Variants in DPYD observed in about 807,000 individuals in gnomAD.
DPYD encodes the protein dihydropyrimidine dehydrogenase [NADP(+)].
A neutral mutation model predicts 116.2 loss-of-function variants in DPYD; 109 were observed. That is an observed-to-expected ratio of 0.94 (90% CI 0.80 to 1.10). The LOEUF is 1.10. Ranked by LOEUF, DPYD falls within the 50% of genes least tolerant of loss-of-function variation. The probability of loss-of-function intolerance (pLI) is 0.00; values close to 1 mark genes in which losing one functional copy is unlikely to be tolerated. For synonymous variants in DPYD, 440 were observed against 432.0 expected, an observed-to-expected ratio of 1.02 and a Z score of -0.23; for missense variants, 1,302 against 1,254.5, an observed-to-expected ratio of 1.04 and a Z score of -0.57.
intron 8 of DPYD, among the ~76,000 whole-genome samples, chr1:97,604,836 A>C (rs962187096): frequency 6.6e-6 from 1 of 152,070 alleles, no homozygotes; most frequent in Non-Finnish European, 1.5e-5. Flanking sequence ...AAAATAGGTA[A>C]ATCATCTAGA....
At chr1:97,242,872 T>A (rs1237635309) in intron 18 of DPYD, among the ~76,000 whole-genome samples, 1 of 151,744 alleles carries the variant, frequency 6.6e-6, no homozygotes, top group African/African-American at 2.4e-5. Context: ...CTCACACACA[T>A]ATCATATATA....
intron 4 of DPYD, among the ~76,000 whole-genome samples, chr1:97,735,760 A>G (rs1663908488): frequency 6.6e-6 from 1 of 151,104 alleles, no homozygotes; most frequent in Admixed American, 6.6e-5. Flanking sequence ...GATTAATAAA[A>G]AGCTGGCAGA....
chr1:97,193,751 T>C (rs1658553948), intron 19 of DPYD, among the ~76,000 whole-genome samples: 1 of 151,596 alleles, frequency 6.6e-6, no homozygotes, highest in Admixed American at 6.6e-5. Flanking sequence ...GTTCTCCTTG[T>C]TGTCAACTAT....
intron 16 of DPYD, among the ~76,000 whole-genome samples, chr1:97,372,844 C>T (rs914092779): frequency 4.6e-5 from 7 of 152,092 alleles, no homozygotes; most frequent in Non-Finnish European, 1.0e-4. Context: ...GAAATTACTA[C>T]ATTTCACATT....
chr1:97,572,938 T>C (rs1331633174), intron 11 of DPYD, among the ~76,000 whole-genome samples: 1 of 152,050 alleles, frequency 6.6e-6, no homozygotes, highest in East Asian at 1.9e-4. Context: ...ATAGGAATCA[T>C]CAGGTTTAGA....
intron 16 of DPYD, among the ~76,000 whole-genome samples, chr1:97,345,425 T>A (rs1317593224): frequency 6.6e-6 from 1 of 151,948 alleles, no homozygotes; most frequent in Non-Finnish European, 1.5e-5. Context: ...ACAACTATGC[T>A]TTTTAAACTT....
chr1:97,465,567 T>G (rs1436155164), intron 13 of DPYD, among the ~76,000 whole-genome samples: 1 of 152,146 alleles, frequency 6.6e-6, no homozygotes, highest in Non-Finnish European at 1.5e-5. Context: ...TGAGATCTGA[T>G]GGTTTTATAA....
chr1:97,211,038 CTAAGA>C (rs1659999613), intron 19 of DPYD, among the ~76,000 whole-genome samples: 1 of 152,138 alleles, frequency 6.6e-6, no homozygotes, highest in African/African-American at 2.4e-5. Context: ...TACACGACAG[CTAAGA>C]TGATTATTTA....
chr1:97,484,282 T>A (rs1180513399), intron 13 of DPYD, among the ~76,000 whole-genome samples: 1 of 152,116 alleles, frequency 6.6e-6, no homozygotes, highest in African/African-American at 2.4e-5. Context: ...CCAGTCTGGG[T>A]GACAGAGCAA....
intron 14 of DPYD, among the ~76,000 whole-genome samples, chr1:97,385,280 CAAAAAAAAAAAAAAAAAAAAAAAAA>C (rs567156406): frequency 4.1e-5 from 2 of 48,936 alleles, no homozygotes; most frequent in South Asian, 1.1e-3. Flanking sequence ...GCATTCCTTG[CAAAAAAAAAAAAAAAAAAAAAAAAA>C]AAAAAAAAAA....
intron 3 of DPYD, among the ~76,000 whole-genome samples, chr1:97,808,633 C>T (rs1434759035): frequency 6.6e-6 from 1 of 152,082 alleles, no homozygotes; most frequent in Non-Finnish European, 1.5e-5. Context: ...TTTCTCATCA[C>T]ATTAGCTAGT....
chr1:97,415,066 AAAG>A (rs1674217813), intron 14 of DPYD, among the ~76,000 whole-genome samples: 2 of 152,184 alleles, frequency 1.3e-5, no homozygotes. Flanking sequence ...TAAAGCTATA[AAAG>A]AAGAAGGAGA....
At chr1:97,081,680 A>G (rs1229169285) in intron 22 of DPYD, among the ~76,000 whole-genome samples, 1 of 144,294 alleles carries the variant, frequency 6.9e-6, no homozygotes, top group African/African-American at 2.6e-5. Context: ...CAAATCCCCA[A>G]TTTTTCTTTC....
At position 97,173,209 on chromosome 1, in the gene DPYD, T is replaced by C. The variant is rs571449671; in HGVS notation, c.2622+19860A>G. 5.9e-4 allele frequency among the ~76,000 whole-genome samples: 82 copies of C among 138,490 alleles called. 1 individual carries two copies. In the South Asian group the frequency reaches 6.4e-3, roughly 11 times the overall value. The allele number at this position is 138,490 out of a possible 152,430, so 90.9% of individuals were successfully genotyped here. A position where few individuals can be genotyped will look rare whatever the true frequency, so the allele number is the denominator to read the frequency against. ...ATATATGTGTATATATGTGTACATA[T>C]ATACACATATACGTACATATATGCG... is the stretch of plus-strand genomic sequence containing the variant. On this transcript the variant is annotated intron_variant, in intron 20 of 22. Transcript: ENST00000370192.
chr1:97,119,903 T>C (rs1652289019), intron 20 of DPYD, among the ~76,000 whole-genome samples: 2 of 152,164 alleles, frequency 1.3e-5, no homozygotes, highest in Non-Finnish European at 2.9e-5. Context: ...ACAAAGCCAG[T>C]GCTTCAAACA....
At chr1:97,894,200 C>T (rs1234169359) in intron 1 of DPYD, among the ~76,000 whole-genome samples, 1 of 151,674 alleles carries the variant, frequency 6.6e-6, no homozygotes, top group Non-Finnish European at 1.5e-5. Context: ...GATCATGTTG[C>T]AGAGAGAGAG....
At chr1:97,889,785 A>C (rs531968200) in intron 1 of DPYD, among the ~76,000 whole-genome samples, 42 of 152,164 alleles carry the variant, frequency 2.8e-4, no homozygotes, top group African/African-American at 1.0e-3. Context: ...TAACACTCTA[A>C]AAGAGCAAAA....
chr1:97,595,181 TTATAAAA>T lies in DPYD; in HGVS notation c.851-22_851-16del, dbSNP rs1456191316. 2 of 1,604,304 alleles carry T rather than the reference TTATAAAA, an allele frequency of 1.2e-6. No individual in the cohort carries two copies. The highest frequency in any genetic ancestry group is 2.2e-5 in the South Asian group (2 of 90,864). On this transcript the variant is annotated splice_polypyrimidine_tract_variant and intron_variant, in intron 8 of 22. Transcript: ENST00000370192. ...TTCTGGCAAACCTAAGTAATCAAATTTATAAAATATCATTAGCAGGAGGAGGGGCTTT... is the reference window on the plus strand; with the variant it reads ...TTCTGGCAAACCTAAGTAATCAAATTTATCATTAGCAGGAGGAGGGGCTTT...
intron 20 of DPYD, among the ~76,000 whole-genome samples, chr1:97,167,143 A>C (rs535681299): frequency 1.3e-5 from 2 of 152,274 alleles, no homozygotes; most frequent in African/African-American, 4.8e-5. Context: ...TGTTCTTTCA[A>C]AGCCTTTCAG....
Sources: gnomAD v4.1 joint callset for allele counts (sites outside exome capture counted in the v4.1 genomes callset) on GRCh38, gnomAD v4.1.1 for gene constraint, MANE v1.5 for transcripts, NCBI Gene and HGNC (gene_info 2026-07-23, HGNC 2026-07-21) for gene names.